The following BLZF1 variants were observed in gnomAD, a reference collection of about 807,000 sequenced individuals.
BLZF1 encodes the protein basic leucine zipper nuclear factor 1, also known as golgin-45.
In BLZF1, 39 loss-of-function variants were observed where a neutral mutation model predicts 43.8. The observed-to-expected ratio is 0.89, with a 90% CI of 0.69 to 1.16. BLZF1 has a LOEUF of 1.16. Among genes scored for constraint, BLZF1 ranks in the 50% most tolerant of loss-of-function variants. The probability of loss-of-function intolerance (pLI) is 0.00; values close to 1 mark genes in which losing one functional copy is unlikely to be tolerated. For missense variants in BLZF1, 449 were observed against 469.8 expected (o/e 0.96, Z 0.41); for synonymous variants, 136 against 159.4 (o/e 0.85, Z 1.11).
In BLZF1 at chr1:169,378,439, C is replaced by T; in HGVS notation, c.578C>T (p.Ala193Val). ...EKNQLILENEALGRNTAQLSE... is the reference protein window; with the variant it reads ...EKNQLILENEVLGRNTAQLSE... ...AATCAGCTTATTTTAGAAAATGAAG[C>T]CCTAGGTCGAAACACAGCTCAGCTT... The change falls in exon 4 of 7, where the codon GCC becomes GTC. Residue 193 changes from alanine (A) to valine (V), a missense_variant. By Grantham distance (64) the Ala-to-Val change is moderately conservative (BLOSUM62 0). Coordinates refer to ENST00000367808, the MANE Select transcript of BLZF1 (RefSeq NM_001320973.2). The T allele has an allele frequency of 6.2e-7, 1 of 1,612,902 alleles. No individual in the cohort carries two copies. The highest frequency in any genetic ancestry group is 1.1e-5 in the South Asian group (1 of 91,048).
intron 7 of BLZF1, among the ~76,000 whole-genome samples, chr1:169,393,964 T>C (rs1442872039): frequency 6.6e-6 from 1 of 152,202 alleles, no homozygotes; most frequent in Non-Finnish European, 1.5e-5. Flanking sequence ...CCATCACACT[T>C]GTATGCTTAC....
intron 6 of BLZF1, among the ~76,000 whole-genome samples, chr1:169,382,975 C>T (rs1654569396): frequency 6.6e-6 from 1 of 151,954 alleles, no homozygotes; most frequent in Non-Finnish European, 1.5e-5. Context: ...TTCCCTTGGT[C>T]CCTATATTTT....
chr1:169,395,961 T>C (rs942352530), exon 8 of BLZF1: 2 of 151,998 alleles, frequency 1.3e-5, no homozygotes, highest in African/African-American at 4.8e-5. Flanking sequence ...TGATGATATG[T>C]GGTCCTGAAT....
chr1:169,377,272 A>T lies in BLZF1; in HGVS notation c.468+293A>T, dbSNP rs1654389458. 8.1e-6 allele frequency: 3 copies of T among 372,552 alleles called. No individual in the cohort carries two copies. In the South Asian group the frequency reaches 2.1e-4, roughly 26 times the overall value. 23.1% of individuals were successfully genotyped at this position (372,552 alleles called of 1,614,324 possible). On this transcript the variant is annotated intron_variant, in intron 3 of 6. Transcript: ENST00000367808. Reference sequence around the variant, plus strand: ...TTATAAACTGCCAGACCAAAGATTGACCAAGTCAGGCATAGTAATTGACCA... The same window carrying T: ...TTATAAACTGCCAGACCAAAGATTGTCCAAGTCAGGCATAGTAATTGACCA...
At chr1:169,369,239 G>A (rs1654015162) in intron 1 of BLZF1, among the ~76,000 whole-genome samples, 1 of 151,700 alleles carries the variant, frequency 6.6e-6, no homozygotes, top group African/African-American at 2.4e-5. Flanking sequence ...GAGTGTATTG[G>A]TGAGGATGGT....
intron 6 of BLZF1, among the ~76,000 whole-genome samples, chr1:169,385,847 G>A (rs12030320): frequency 0.12 from 17,919 of 152,098 alleles, 1,111 homozygotes; most frequent in Admixed American, 0.14. Flanking sequence ...CCACATGACC[G>A]CTAGGGAAAC....
chr1:169,395,524 T>TA (rs1367496004), intron 7 of BLZF1, among the ~76,000 whole-genome samples: 2 of 152,232 alleles, frequency 1.3e-5, no homozygotes, highest in African/African-American at 4.8e-5. Flanking sequence ...CAGGATTTCT[T>TA]ACTATTTGGT....
chr1:169,383,414 T>C (rs1557850307), intron 6 of BLZF1, among the ~76,000 whole-genome samples: 1 of 152,136 alleles, frequency 6.6e-6, no homozygotes, highest in African/African-American at 2.4e-5. Context: ...ATCATTCATC[T>C]AAAAAAGAAA....
chr1:169,370,617 G>T (rs541279340), intron 2 of BLZF1, among the ~76,000 whole-genome samples: 1 of 152,114 alleles, frequency 6.6e-6, no homozygotes, highest in Non-Finnish European at 1.5e-5. Flanking sequence ...TCAAGTGGTC[G>T]GTAGGCAAAT....
At chr1:169,394,956 A>C (rs1654927877) in intron 7 of BLZF1, 1 of 1,140,690 alleles carries the variant, frequency 8.8e-7, no homozygotes, top group Non-Finnish European at 1.2e-6. Context: ...CCATTTCCAT[A>C]ATTTAGAATA....
chr1:169,382,035 T>G (rs944570409), intron 5 of BLZF1, 27 bp from the exon 6 acceptor site: 2 of 1,559,494 alleles, frequency 1.3e-6, no homozygotes, highest in Non-Finnish European at 1.8e-6. Context: ...TCTTACTATG[T>G]CCGGTGTTCA....
chr1:169,393,661 A>G (rs1434931894), intron 7 of BLZF1, among the ~76,000 whole-genome samples: 3 of 148,816 alleles, frequency 2.0e-5, no homozygotes, highest in African/African-American at 7.4e-5. Flanking sequence ...GAGTGCAGTG[A>G]TGCAATCTTG....
downstream of BLZF1, among the ~76,000 whole-genome samples, chr1:169,391,446 A>G (rs972461092): frequency 2.0e-5 from 3 of 152,164 alleles, no homozygotes; most frequent in Non-Finnish European, 2.9e-5. Flanking sequence ...GCACCATTCC[A>G]GTCTCTCCTG....
intron 6 of BLZF1, among the ~76,000 whole-genome samples, chr1:169,385,722 A>C (rs1256302715): frequency 6.6e-6 from 1 of 152,216 alleles, no homozygotes. Context: ...CTAGTTGAAA[A>C]ATAGAGGTGC....
chr1:169,380,369 A>C, intron 4 of BLZF1, 112 bp from the exon 5 acceptor site: 1 of 726,902 alleles, frequency 1.4e-6, no homozygotes, highest in Non-Finnish European at 1.9e-6. Flanking sequence ...AAGTAACTAT[A>C]CTGTTAAATC....
At chr1:169,368,735 G>A (rs1653993538) in intron 1 of BLZF1, among the ~76,000 whole-genome samples, 1 of 152,152 alleles carries the variant, frequency 6.6e-6, no homozygotes, top group Non-Finnish European at 1.5e-5. Flanking sequence ...GTTTGTGACT[G>A]TTAAGAAAGT....
At chr1:169,369,810 T>C (rs1654047100) in intron 2 of BLZF1, among the ~76,000 whole-genome samples, 1 of 151,158 alleles carries the variant, frequency 6.6e-6, no homozygotes, top group Non-Finnish European at 1.5e-5. Context: ...ACAGCTATAT[T>C]CCCTATACAC....
In BLZF1 at chr1:169,380,542, C is replaced by T. The variant is rs1212795568; in HGVS notation, c.730C>T (p.His244Tyr). The change falls in exon 5 of 7, where the codon CAC becomes TAC. Residue 244 changes from histidine (H) to tyrosine (Y), a missense_variant. By Grantham distance (83) the His-to-Tyr change is moderately conservative. Transcript: ENST00000367808. ...AALQRQNRDA[H>Y]GAIQDLLSER... ...TTTACAGCGTCAAAACCGTGATGCA[C>T]ACGGGGCTATACAAGATCTCCTAAG... 6.2e-7 allele frequency: 1 copy of T among 1,612,890 alleles called. No individual in the cohort carries two copies. The highest frequency in any genetic ancestry group is 8.5e-7 in the Non-Finnish European group (1 of 1,179,126).
chr1:169,385,078 A>C (rs1406632011), intron 6 of BLZF1, among the ~76,000 whole-genome samples: 4 of 151,912 alleles, frequency 2.6e-5, no homozygotes. Context: ...ATAGTTGACC[A>C]CTCCCTCTTT....
Sources: allele counts gnomAD v4.1 joint callset (sites outside exome capture counted in the v4.1 genomes callset), GRCh38; gene constraint gnomAD v4.1.1; transcripts MANE v1.5; gene names NCBI Gene and HGNC (gene_info 2026-07-23, HGNC 2026-07-21).